Variants in PKIG observed in about 807,000 individuals in gnomAD.
PKIG encodes protein kinase (cAMP-dependent, catalytic) inhibitor gamma.
In PKIG, 1 loss-of-function variant was observed where a neutral mutation model predicts 6.8. The observed-to-expected ratio is 0.15, with a 90% CI of 0.05 to 0.69. The LOEUF is 0.69. Ranked by LOEUF, PKIG falls within the 30% of genes least tolerant of loss-of-function variation. The pLI is 0.82. For synonymous variants in PKIG, 39 were observed against 43.0 expected, an observed-to-expected ratio of 0.91 and a Z score of 0.36; for missense variants, 77 against 104.0, an observed-to-expected ratio of 0.74 and a Z score of 1.13.
chr20:44,610,132 G>A (rs755531337), intron 2 of PKIG, among the ~76,000 whole-genome samples: 10 of 152,222 alleles, frequency 6.6e-5, no homozygotes, highest in Non-Finnish European at 1.0e-4. Context: ...CTAGGGCAGC[G>A]CGCAAGGCTG....
chr20:44,556,015 A>G (rs1483266588), intron 1 of PKIG, among the ~76,000 whole-genome samples: 4 of 151,752 alleles, frequency 2.6e-5, no homozygotes, highest in Non-Finnish European at 4.4e-5. Flanking sequence ...TAATTTTTGT[A>G]TTTTTAGTAG....
At chr20:44,567,706 C>A (rs953640501) in intron 1 of PKIG, among the ~76,000 whole-genome samples, 1 of 152,206 alleles carries the variant, frequency 6.6e-6, no homozygotes, top group Non-Finnish European at 1.5e-5. Context: ...CGGGCACAGG[C>A]TGGGCAGCAC....
intron 1 of PKIG, among the ~76,000 whole-genome samples, chr20:44,573,730 G>A (rs1197214461): frequency 6.6e-6 from 1 of 152,196 alleles, no homozygotes; most frequent in Non-Finnish European, 1.5e-5. Flanking sequence ...CCTTGCAGGA[G>A]TGTTAGAAGG....
At chr20:44,615,078 G>A (rs1332958807) in intron 3 of PKIG, among the ~76,000 whole-genome samples, 3 of 151,962 alleles carry the variant, frequency 2.0e-5, no homozygotes, top group Non-Finnish European at 4.4e-5. Context: ...TTCCTGTTCA[G>A]CTCTATGCAG....
chr20:44,592,575 T>G (rs534428171), intron 2 of PKIG, among the ~76,000 whole-genome samples: 111 of 152,258 alleles, frequency 7.3e-4, no homozygotes, highest in African/African-American at 2.6e-3. Flanking sequence ...CTGCTTTCCT[T>G]TGCACCTCAG....
chr20:44,541,940 C>A (rs2064565801), intron 1 of PKIG, among the ~76,000 whole-genome samples: 2 of 152,108 alleles, frequency 1.3e-5, no homozygotes, highest in South Asian at 4.1e-4. Flanking sequence ...CCACCCCCCT[C>A]GGCTTCCCAA....
chr20:44,589,352 A>G (rs923353377), intron 1 of PKIG, among the ~76,000 whole-genome samples: 1 of 152,144 alleles, frequency 6.6e-6, no homozygotes, highest in Non-Finnish European at 1.5e-5. Flanking sequence ...TTAAAAAGAA[A>G]ATGTAAAGTT....
At chr20:44,559,223 A>G (rs955388616) in intron 1 of PKIG, among the ~76,000 whole-genome samples, 5 of 152,226 alleles carry the variant, frequency 3.3e-5, no homozygotes, top group Admixed American at 2.6e-4. Flanking sequence ...CATTCTTAAC[A>G]ATTTCCTGGA....
In PKIG at chr20:44,618,305, GC is replaced by G; in HGVS notation, c.176del (p.Pro59GlnfsTer49). ...TCCAGAAGGACAGGTGGAGGGAAGC[GC>G]CCCAGACAAGGAAGCTGGCAACCAG... ...EGAEGQVEGSAPDKEAGNQPQ... is the reference protein window; with the variant it reads ...EGAEGQVEGSXPDKEAGNQPQ... On this transcript the variant is annotated frameshift_variant, in exon 4 of 4. Coordinates refer to ENST00000372886, the MANE Select transcript of PKIG (RefSeq NM_001281445.2). LOFTEE classifies it high-confidence loss of function. 1 of 1,612,532 alleles carries G rather than the reference GC, an allele frequency of 6.2e-7. No individual in the cohort carries two copies.
intron 2 of PKIG, among the ~76,000 whole-genome samples, chr20:44,611,592 C>T (rs964790759): frequency 2.0e-5 from 3 of 151,402 alleles, no homozygotes; most frequent in Non-Finnish European, 4.4e-5. Context: ...TCTTGGCTCA[C>T]TGCAAGCTCC....
chr20:44,574,748 ATTT>A, intron 1 of PKIG, among the ~76,000 whole-genome samples: 1 of 151,662 alleles, frequency 6.6e-6, no homozygotes, highest in Non-Finnish European at 1.5e-5. Context: ...TAATTTTTTT[ATTT>A]TTAGTAGAGA....
chr20:44,548,048 G>A (rs1192118949), intron 1 of PKIG, among the ~76,000 whole-genome samples: 1 of 152,026 alleles, frequency 6.6e-6, no homozygotes, highest in Non-Finnish European at 1.5e-5. Flanking sequence ...GTGTGGTGTT[G>A]TGCACCTGTA....
rs940626105 is a variant in PKIG at position 44,602,023 on chromosome 20, A to G, written c.-24+12157A>G. Among the ~76,000 whole-genome samples, 8 of 152,328 alleles carry G rather than the reference A, an allele frequency of 5.3e-5. No homozygotes were observed. In the South Asian group the frequency reaches 1.7e-3, roughly 32 times the overall value. On this transcript the variant is annotated intron_variant, in intron 2 of 3. Coordinates refer to ENST00000372886, the MANE Select transcript of PKIG (RefSeq NM_001281445.2). ...TGCAGGCACTGTAACCTCTGACCCC[A>G]GGGCCCCAAAAGGCCTGGGGACAGA...
At chr20:44,565,620 C>T (rs2064803972) in intron 1 of PKIG, among the ~76,000 whole-genome samples, 2 of 152,158 alleles carry the variant, frequency 1.3e-5, no homozygotes, top group African/African-American at 2.4e-5. Context: ...ATTTTCTTTA[C>T]GTTTTCTAGT....
chr20:44,589,211 C>T (rs1405715195), intron 1 of PKIG, among the ~76,000 whole-genome samples: 1 of 151,948 alleles, frequency 6.6e-6, no homozygotes, highest in Non-Finnish European at 1.5e-5. Context: ...GTAGTTCACA[C>T]CTGTAATCTC....
intron 1 of PKIG, among the ~76,000 whole-genome samples, chr20:44,560,626 A>G (rs1159952754): frequency 6.6e-6 from 1 of 152,222 alleles, no homozygotes; most frequent in Admixed American, 6.5e-5. Flanking sequence ...GGAATCAGAT[A>G]AACCACTTTT....
chr20:44,567,529 A>G (rs1344026280), intron 1 of PKIG, among the ~76,000 whole-genome samples: 1 of 151,828 alleles, frequency 6.6e-6, no homozygotes. Context: ...CTTTATCCTC[A>G]TACTCATCTT....
At chr20:44,582,287 A>G (rs1011563226), upstream of PKIG, among the ~76,000 whole-genome samples, 1 of 152,186 alleles carries the variant, frequency 6.6e-6, no homozygotes, top group Non-Finnish European at 1.5e-5. Context: ...AAGCAAAGGA[A>G]TTTACCCAGG....
chr20:44,571,090 C>T (rs1055787206), intron 1 of PKIG, among the ~76,000 whole-genome samples: 20 of 151,882 alleles, frequency 1.3e-4, no homozygotes, highest in Admixed American at 3.9e-4. Context: ...AAAAATTAAC[C>T]GGATGTGGTG....
Sources: allele counts gnomAD v4.1 joint callset (sites outside exome capture counted in the v4.1 genomes callset), GRCh38; gene constraint gnomAD v4.1.1; transcripts MANE v1.5; gene names NCBI Gene and HGNC (gene_info 2026-07-23, HGNC 2026-07-21).